ZDHHC11: variants seen among roughly 807,000 people sequenced by gnomAD.
ZDHHC11 encodes the protein palmitoyltransferase ZDHHC11.
A neutral mutation model predicts 51.3 loss-of-function variants in ZDHHC11; 44 were observed. The observed-to-expected ratio is 0.86, with a 90% CI of 0.67 to 1.10. ZDHHC11 has a LOEUF of 1.10. ZDHHC11 is among the 50% of genes least tolerant of loss of function. The pLI is 0.00. For missense variants in ZDHHC11, 400 were observed against 537.7 expected, an observed-to-expected ratio of 0.74 and a Z score of 2.53; for synonymous variants, 163 against 222.0, an observed-to-expected ratio of 0.73 and a Z score of 2.36.
At chr5:806,066 G>A (rs567313527) in intron 11 of ZDHHC11, among the ~76,000 whole-genome samples, 1 of 151,380 alleles carries the variant, frequency 6.6e-6, no homozygotes, top group South Asian at 2.1e-4. Context: ...GGGAGGTGCT[G>A]GAAAGGAAAG....
intron 1 of ZDHHC11, among the ~76,000 whole-genome samples, chr5:858,140 T>TC (rs1279970651): frequency 2.1e-4 from 25 of 120,916 alleles, no homozygotes; most frequent in Admixed American, 6.1e-4. Context: ...GACACCGTGG[T>TC]CCCCCGGGTC....
chr5:854,023 A>T (rs13359745), upstream of ZDHHC11, among the ~76,000 whole-genome samples: 3 of 128,886 alleles, frequency 2.3e-5, no homozygotes, highest in Non-Finnish European at 4.9e-5. Flanking sequence ...ACAGCAAGCC[A>T]GGGGGACAGA....
In ZDHHC11 at chr5:823,165, T is replaced by C. The variant is rs544759671; in HGVS notation, c.1024-1270A>G. On this transcript the variant is annotated intron_variant, in intron 8 of 12. Coordinates refer to ENST00000283441, the MANE Select transcript of ZDHHC11 (RefSeq NM_024786.3). ...AATGTATCCGTTTTGTGAAATAGTG[T>C]TTTTGGTATCTATCAAAGAAGAGTT... is the stretch of plus-strand genomic sequence containing the variant. Among the ~76,000 whole-genome samples the C allele has an allele frequency of 6.6e-4, 100 of 151,346 alleles. 2 individuals carry two copies. Among genetic ancestry groups the C allele is most frequent in the Non-Finnish European group, 1.1e-3 (77 of 67,682 alleles).
upstream of ZDHHC11, among the ~76,000 whole-genome samples, chr5:859,634 G>C (rs1449536165): frequency 6.6e-6 from 1 of 152,172 alleles, no homozygotes; most frequent in African/African-American, 2.4e-5. Flanking sequence ...CGCGAGTGCA[G>C]GGAGTCTCAG....
intron 10 of ZDHHC11, among the ~76,000 whole-genome samples, chr5:818,046 A>T (rs940141594): frequency 2.6e-5 from 4 of 151,266 alleles, no homozygotes; most frequent in African/African-American, 9.7e-5. Context: ...TGTTATTTTC[A>T]TAGGATTGTC....
intron 7 of ZDHHC11, among the ~76,000 whole-genome samples, chr5:829,961 C>A (rs1380802211): frequency 2.7e-5 from 4 of 150,866 alleles, no homozygotes; most frequent in Admixed American, 6.6e-5. Context: ...GAACACTCAT[C>A]AAAATCAGCA....
intron 12 of ZDHHC11, among the ~76,000 whole-genome samples, chr5:798,690 G>C (rs530533603): frequency 8.3e-4 from 123 of 148,808 alleles, no homozygotes; most frequent in African/African-American, 2.9e-3. Flanking sequence ...GGAGGGGTAA[G>C]GTGTAATACT....
chr5:829,912 A>G (rs1336704470), intron 7 of ZDHHC11, among the ~76,000 whole-genome samples: 3 of 151,378 alleles, frequency 2.0e-5, no homozygotes, highest in African/African-American at 7.3e-5. Context: ...ATAGATGCAG[A>G]AAAAGCATCT....
chr5:837,493 A>AAGGAGGAAC lies in ZDHHC11; in HGVS notation c.785-22_785-14dup, dbSNP rs1347889182. The AAGGAGGAAC allele has an allele frequency of 6.2e-7, 1 of 1,606,446 alleles. No individual in the cohort carries two copies. The highest frequency in any genetic ancestry group is 8.5e-7 in the Non-Finnish European group (1 of 1,173,926). On this transcript the variant is annotated splice_polypyrimidine_tract_variant and intron_variant, in intron 5 of 12. Coordinates refer to ENST00000283441, the MANE Select transcript of ZDHHC11 (RefSeq NM_024786.3). ...ATCTTCTTGGCCTCTGGAAAGGGAA[A>AAGGAGGAAC]AGGAGGAACAGGACAAGATACCAGC...
At chr5:853,345 G>A (rs114514185), upstream of ZDHHC11, among the ~76,000 whole-genome samples, 81 of 142,074 alleles carry the variant, frequency 5.7e-4, no homozygotes, top group African/African-American at 1.9e-3. Flanking sequence ...AGAGGACAGC[G>A]AGTCGGGGGT....
chr5:841,910 C>T (rs1298274255), intron 4 of ZDHHC11: 31 of 988,788 alleles, frequency 3.1e-5, no homozygotes, highest in East Asian at 1.1e-4. Context: ...CTGGTGGCCT[C>T]GGGGCCATCC....
intron 11 of ZDHHC11, among the ~76,000 whole-genome samples, chr5:807,878 C>G (rs1420950008): frequency 1.3e-5 from 2 of 150,778 alleles, no homozygotes; most frequent in African/African-American, 4.9e-5. Flanking sequence ...GCTTTGCATT[C>G]CTGTGAAGAG....
chr5:835,721 A>G (rs1197943530), intron 6 of ZDHHC11, among the ~76,000 whole-genome samples: 1 of 151,972 alleles, frequency 6.6e-6, no homozygotes, highest in Non-Finnish European at 1.5e-5. Flanking sequence ...TTTTTTTCCA[A>G]TCTATGAATG....
At chr5:817,488 A>G (rs1164097181) in intron 10 of ZDHHC11, among the ~76,000 whole-genome samples, 9 of 151,524 alleles carry the variant, frequency 5.9e-5, no homozygotes, top group African/African-American at 2.2e-4. Context: ...CTTTAAAAAC[A>G]CACTTGAAAA....
chr5:819,658 G>T, intron 9 of ZDHHC11, 46 bp from the exon 10 acceptor site: 1 of 1,586,810 alleles, frequency 6.3e-7, no homozygotes. Context: ...AGTTTTGTAG[G>T]GCGCTCAGGA....
At chr5:813,557 C>T (rs1740366659) in intron 11 of ZDHHC11, among the ~76,000 whole-genome samples, 1 of 146,488 alleles carries the variant, frequency 6.8e-6, no homozygotes, top group Non-Finnish European at 1.5e-5. Flanking sequence ...CACACACCCT[C>T]CCTGAATAAT....
intron 6 of ZDHHC11, among the ~76,000 whole-genome samples, chr5:835,147 G>A (rs937005695): frequency 6.6e-6 from 1 of 151,034 alleles, no homozygotes; most frequent in African/African-American, 2.4e-5. Context: ...AGTGTTCTAT[G>A]TTCAGCTTTT....
At chr5:838,544 A>C (rs1157928021) in intron 5 of ZDHHC11, among the ~76,000 whole-genome samples, 1 of 151,998 alleles carries the variant, frequency 6.6e-6, no homozygotes, top group Non-Finnish European at 1.5e-5. Flanking sequence ...CAGTCCTGTG[A>C]GGTAGAGAAG....
Position 821,878 on chromosome 5 carries a change from C to T in ZDHHC11, c.1041G>A (p.Pro347=), listed in dbSNP as rs149938529. 128 of 1,606,088 alleles carry T rather than the reference C, an allele frequency of 8.0e-5. 2 individuals carry two copies. The African/African-American group carries it at 1.5e-3, about 19-fold the overall frequency. The change falls in exon 9 of 13, where the codon CCG becomes CCA. Residue 347 remains proline (P), a synonymous_variant. Transcript: ENST00000283441. ...AAACTCACCCAAGTGCAGATGGACA[C>T]GGGTCTTCATCCCCTTCCTGTGGGG... is the stretch of plus-strand genomic sequence containing the variant. ...DSTAREGDED[P]CPSALGAKAR...
Sources: allele counts gnomAD v4.1 joint callset (sites outside exome capture counted in the v4.1 genomes callset), GRCh38; gene constraint gnomAD v4.1.1; transcripts MANE v1.5; gene names NCBI Gene and HGNC (gene_info 2026-07-23, HGNC 2026-07-21).